Variants in PDE4B observed in about 807,000 individuals in gnomAD.
The protein encoded by PDE4B is phosphodiesterase 4B.
PDE4B carries 20 observed loss-of-function variants against 82.2 expected under a neutral mutation model. The ratio of observed to expected loss-of-function variants is 0.24; its 90% CI spans 0.17 to 0.35. The LOEUF (loss-of-function observed/expected upper bound fraction) is 0.35. Ranked by LOEUF, PDE4B falls within the 10% of genes least tolerant of loss-of-function variation. The pLI is 1.00. For missense variants in PDE4B, 655 were observed against 907.2 expected, an observed-to-expected ratio of 0.72 and a Z score of 3.57; for synonymous variants, 320 against 318.9, an observed-to-expected ratio of 1.00 and a Z score of -0.04.
At chr1:65,854,748 T>C (rs930042341) in intron 1 of PDE4B, among the ~76,000 whole-genome samples, 1 of 152,062 alleles carries the variant, frequency 6.6e-6, no homozygotes, top group African/African-American at 2.4e-5. Context: ...TACTTTTCAT[T>C]AAATTTATTA....
At chr1:66,064,255 C>T (rs963899611) in intron 3 of PDE4B, among the ~76,000 whole-genome samples, 1 of 151,776 alleles carries the variant, frequency 6.6e-6, no homozygotes, top group African/African-American at 2.4e-5. Flanking sequence ...AGGGACAAAG[C>T]CAGGGTTGAT....
chr1:65,859,461 A>T (rs1314796218), intron 1 of PDE4B, among the ~76,000 whole-genome samples: 1 of 152,166 alleles, frequency 6.6e-6, no homozygotes, highest in African/African-American at 2.4e-5. Flanking sequence ...TTAGGTAGAT[A>T]CCATCTTTGT....
chr1:66,300,143 G>A (rs1279534628), intron 7 of PDE4B, among the ~76,000 whole-genome samples: 1 of 152,110 alleles, frequency 6.6e-6, no homozygotes, highest in African/African-American at 2.4e-5. Flanking sequence ...TATTCTCAGA[G>A]TTGACAGACT....
chr1:66,060,544 A>G (rs1160145332), intron 3 of PDE4B, among the ~76,000 whole-genome samples: 1 of 152,232 alleles, frequency 6.6e-6, no homozygotes, highest in African/African-American at 2.4e-5. Flanking sequence ...GTATAAGATG[A>G]AAACATTTAA....
At chr1:66,140,998 A>G (rs1646159499) in intron 3 of PDE4B, among the ~76,000 whole-genome samples, 1 of 152,196 alleles carries the variant, frequency 6.6e-6, no homozygotes, top group African/African-American at 2.4e-5. Context: ...GTAGTTCCAC[A>G]TTCTTTGGCA....
At chr1:66,078,794 A>G (rs1051084611) in intron 3 of PDE4B, among the ~76,000 whole-genome samples, 2 of 152,082 alleles carry the variant, frequency 1.3e-5, no homozygotes, top group Non-Finnish European at 2.9e-5. Context: ...AAAACCTCAT[A>G]TGAAAAGCGC....
At chr1:66,068,635 A>G (rs1376015828) in intron 3 of PDE4B, among the ~76,000 whole-genome samples, 1 of 152,008 alleles carries the variant, frequency 6.6e-6, no homozygotes, top group African/African-American at 2.4e-5. Flanking sequence ...ACAATTGCAG[A>G]TGAAAATATA....
chr1:66,168,929 T>C (rs1646787669), intron 3 of PDE4B, among the ~76,000 whole-genome samples: 1 of 152,178 alleles, frequency 6.6e-6, no homozygotes, highest in Admixed American at 6.5e-5. Flanking sequence ...AGATGAGTTA[T>C]GAGGCAAATC....
chr1:65,867,489 TCATAGCTTTA>T (rs1646524859), intron 1 of PDE4B, among the ~76,000 whole-genome samples: 1 of 152,224 alleles, frequency 6.6e-6, no homozygotes, highest in African/African-American at 2.4e-5. Flanking sequence ...ATTTATCAAA[TCATAGCTTTA>T]CAATACGTGT....
intron 9 of PDE4B, among the ~76,000 whole-genome samples, chr1:66,361,275 G>A (rs182545439): frequency 1.4e-4 from 22 of 152,194 alleles, no homozygotes; most frequent in African/African-American, 5.3e-4. Flanking sequence ...GTATAAGTGT[G>A]TACTCCTTAT....
chr1:66,162,049 G>T (rs2485381), intron 3 of PDE4B, among the ~76,000 whole-genome samples: 1 of 151,884 alleles, frequency 6.6e-6, no homozygotes, highest in African/African-American at 2.4e-5. Flanking sequence ...GGTGCTCACT[G>T]AATGGTGCTA....
chr1:66,331,859 C>G, intron 7 of PDE4B: 1 of 985,654 alleles, frequency 1.0e-6, no homozygotes, highest in Non-Finnish European at 1.2e-6. Flanking sequence ...CATTTTCCCT[C>G]TAATTAAAGG....
intron 3 of PDE4B, among the ~76,000 whole-genome samples, chr1:65,975,809 AG>A (rs1650377121): frequency 6.6e-6 from 1 of 152,196 alleles, no homozygotes; most frequent in Admixed American, 6.5e-5. Flanking sequence ...TTGGGCTTGC[AG>A]GTGCACAGAA....
At chr1:66,345,857 T>A (rs1661356845) in intron 8 of PDE4B, among the ~76,000 whole-genome samples, 1 of 152,182 alleles carries the variant, frequency 6.6e-6, no homozygotes, top group Non-Finnish European at 1.5e-5. Context: ...TACCCTTCTC[T>A]TTCATCCAGA....
intron 3 of PDE4B, among the ~76,000 whole-genome samples, chr1:66,208,743 G>A (rs1353781925): frequency 1.3e-5 from 2 of 151,822 alleles, no homozygotes; most frequent in Admixed American, 6.6e-5. Flanking sequence ...ATAAAAAGTG[G>A]GCCACAATGA....
chr1:66,202,793 C>G (rs910497512), intron 3 of PDE4B, among the ~76,000 whole-genome samples: 12 of 152,070 alleles, frequency 7.9e-5, no homozygotes, highest in Admixed American at 1.3e-4. Flanking sequence ...GGTCTTGACT[C>G]TTTATCCAAT....
chr1:65,833,922 G>A (rs1228222120), intron 1 of PDE4B, among the ~76,000 whole-genome samples: 1 of 152,142 alleles, frequency 6.6e-6, no homozygotes, highest in African/African-American at 2.4e-5. Flanking sequence ...GCTACATTTT[G>A]CTGTTACCTG....
chr1:66,129,037 G>T (rs867000655), intron 3 of PDE4B, among the ~76,000 whole-genome samples: 1 of 152,176 alleles, frequency 6.6e-6, no homozygotes, highest in African/African-American at 2.4e-5. Context: ...TAAGAAATAA[G>T]GAAACTGAGG....
intron 7 of PDE4B, among the ~76,000 whole-genome samples, chr1:66,271,653 C>T (rs1356591102): frequency 6.6e-6 from 1 of 152,144 alleles, no homozygotes; most frequent in African/African-American, 2.4e-5. Flanking sequence ...GCCTTTCTTT[C>T]TCTTTGGTTA....
Sources: gnomAD v4.1 joint callset for allele counts (sites outside exome capture counted in the v4.1 genomes callset) on GRCh38, gnomAD v4.1.1 for gene constraint, MANE v1.5 for transcripts, NCBI Gene and HGNC (gene_info 2026-07-23, HGNC 2026-07-21) for gene names.